The following TNRC6A variants were observed in gnomAD, a reference collection of about 807,000 sequenced individuals.
The protein encoded by TNRC6A is trinucleotide repeat containing adaptor 6A.
Under a neutral mutation model 221.2 loss-of-function variants are expected in TNRC6A, and 44 were observed. The observed-to-expected ratio is 0.20, with a 90% CI of 0.16 to 0.26. The LOEUF (loss-of-function observed/expected upper bound fraction) is 0.26, where lower values mean the gene tolerates loss of function less well. TNRC6A is among the 10% of genes least tolerant of loss of function. TNRC6A has a pLI of 1.00. For missense variants in TNRC6A, 2,199 were observed against 2,404.4 expected (o/e 0.91, Z 1.79); for synonymous variants, 847 against 838.5 (o/e 1.01, Z -0.18).
chr16:24,760,433 C>A (rs1009026938), intron 4 of TNRC6A, among the ~76,000 whole-genome samples: 1 of 152,082 alleles, frequency 6.6e-6, no homozygotes, highest in African/African-American at 2.4e-5. Flanking sequence ...ATTTAGTCTT[C>A]TTGTTTTTAG....
At position 24,804,204 on chromosome 16, in the gene TNRC6A, T is replaced by C. The variant is rs1478783446; in HGVS notation, c.3722T>C (p.Ile1241Thr). The C allele has an allele frequency of 1.3e-5, 21 of 1,611,438 alleles. No individual in the cohort carries two copies. Among genetic ancestry groups the C allele is most frequent in the Admixed American group, 1.7e-5 (1 of 58,940 alleles). The change falls in exon 12 of 25, where the codon ATA (isoleucine) becomes ACA (threonine). Residue 1241 changes from isoleucine (I) to threonine (T), a missense_variant. Coordinates refer to ENST00000395799, the MANE Select transcript of TNRC6A (RefSeq NM_014494.4). ...ATGTTACAAGACAAACGAATGGAGA[T>C]AGATAAACATAGCCTAAATATTGGT... ...GGMLQDKRME[I>T]DKHSLNIGDY...
At chr16:24,795,622 A>T in intron 8 of TNRC6A, 1 of 366,250 alleles carries the variant, frequency 2.7e-6, no homozygotes, top group Non-Finnish European at 4.9e-6. Context: ...TAAGTCTAGG[A>T]CCTGCCATTT....
At chr16:24,698,021 CAAA>C (rs1290086269) in intron 2 of TNRC6A, among the ~76,000 whole-genome samples, 2 of 78,530 alleles carry the variant, frequency 2.5e-5, no homozygotes. Context: ...GGCTCTGTCT[CAAA>C]AAAAAAAAAA....
rs1172931750 is a variant in TNRC6A at position 24,633,782 on chromosome 16, CTCTCTTTTTTTTTTTTTCGAGACGAAG to C, written n.277-7097_277-7071del. Among the ~76,000 whole-genome samples, 536 of 117,754 alleles carry C rather than the reference CTCTCTTTTTTTTTTTTTCGAGACGAAG, an allele frequency of 4.6e-3. 2 individuals carry two copies. Among genetic ancestry groups the C allele is most frequent in the African/African-American group, 0.018 (494 of 27,116 alleles). The allele number at this position is 117,754 out of a possible 152,430, so 77.3% of individuals were successfully genotyped here. A position where few individuals can be genotyped will look rare whatever the true frequency, so the allele number is the denominator to read the frequency against. On this transcript the variant is annotated intron_variant and non_coding_transcript_variant, in intron 1 of 2. Transcript: ENST00000566108. ...AGCTCCATTAAGGTATAGAATTTAT[CTCTCTTTTTTTTTTTTTCGAGACGAAG>C]TCTCGCTTTGATGCCCAGCCTGGAG... is the stretch of plus-strand genomic sequence containing the variant.
intron 4 of TNRC6A, among the ~76,000 whole-genome samples, chr16:24,774,385 C>T (rs144175038): frequency 1.1e-3 from 161 of 152,266 alleles, no homozygotes; most frequent in Middle Eastern, 3.4e-3. Context: ...AAATGAATAC[C>T]TATCTCAGCT....
intron 2 of TNRC6A, among the ~76,000 whole-genome samples, chr16:24,722,035 G>T (rs968326437): frequency 1.3e-5 from 2 of 152,182 alleles, no homozygotes; most frequent in East Asian, 3.8e-4. Flanking sequence ...GAAGGGGCGC[G>T]AGGGAATTTT....
At chr16:24,755,501 T>C (rs2057231546) in intron 3 of TNRC6A, among the ~76,000 whole-genome samples, 2 of 152,336 alleles carry the variant, frequency 1.3e-5, no homozygotes, top group Non-Finnish European at 2.9e-5. Context: ...TAAATCCCTT[T>C]AACCTTACAA....
intron 4 of TNRC6A, among the ~76,000 whole-genome samples, chr16:24,765,679 CTT>C (rs1396039334): frequency 6.6e-6 from 1 of 151,930 alleles, no homozygotes; most frequent in African/African-American, 2.4e-5. Context: ...TGGAAGATGT[CTT>C]TGAGCTATGT....
At chr16:24,651,690 C>G (rs903906988) in intron 2 of TNRC6A, among the ~76,000 whole-genome samples, 1 of 151,042 alleles carries the variant, frequency 6.6e-6, no homozygotes, top group Non-Finnish European at 1.5e-5. Flanking sequence ...GAGACACCCC[C>G]TCCCCCCGCC....
At chr16:24,618,401 T>G (rs1471677848) in intron 1 of TNRC6A, among the ~76,000 whole-genome samples, 2 of 152,214 alleles carry the variant, frequency 1.3e-5, no homozygotes, top group Non-Finnish European at 2.9e-5. Context: ...CAAATAAATG[T>G]GGAATGACTT....
At chr16:24,623,348 G>A (rs745614901) in intron 1 of TNRC6A, among the ~76,000 whole-genome samples, 2 of 151,982 alleles carry the variant, frequency 1.3e-5, no homozygotes, top group Admixed American at 6.5e-5. Flanking sequence ...ACAGGCGCCC[G>A]CTGCCACGCC....
intron 2 of TNRC6A, among the ~76,000 whole-genome samples, chr16:24,648,007 A>G (rs1446311717): frequency 6.6e-6 from 1 of 152,198 alleles, no homozygotes; most frequent in Non-Finnish European, 1.5e-5. Context: ...TTCACTTAGC[A>G]TAATGTCTTC....
chr16:24,777,295 A>G lies in TNRC6A; in HGVS notation c.526A>G (p.Ser176Gly), dbSNP rs1232230157. 8 of 1,614,172 alleles carry G rather than the reference A, an allele frequency of 5.0e-6. No homozygotes were observed. Among genetic ancestry groups the G allele is most frequent in the Non-Finnish European group, 6.8e-6 (8 of 1,180,036 alleles). The change falls in exon 5 of 25, where the codon AGT (serine) becomes GGT (glycine). Residue 176 changes from serine to glycine, a missense_variant. Physicochemically the swap from Ser to Gly is moderately conservative, Grantham distance 56 (BLOSUM62 0). Transcript: ENST00000395799. ...VKVLNSQSES[S>G]ALTNQQPQNN... ...GGTGTTAAACAGCCAGTCAGAAAGC[A>G]GTGCTTTAACAAATCAACAGCCACA...
chr16:24,730,026 C>T (rs1051664312), intron 1 of TNRC6A, among the ~76,000 whole-genome samples, 180 bp downstream of exon 1: 35 of 147,868 alleles, frequency 2.4e-4, no homozygotes, highest in Non-Finnish European at 4.5e-4. Flanking sequence ...GGGGGAGCCT[C>T]GCTGCGCCGC....
chr16:24,825,401 GT>G lies in TNRC6A; in HGVS notation c.*1595del, dbSNP rs1318009435. The G allele has an allele frequency of 6.5e-6, 1 of 152,704 alleles. No homozygotes were observed. Among genetic ancestry groups the G allele is most frequent in the East Asian group, 1.9e-4 (1 of 5,188 alleles). 9.5% of individuals were successfully genotyped at this position (152,704 alleles called of 1,614,324 possible). A position where few individuals can be genotyped will look rare whatever the true frequency, so the allele number is the denominator to read the frequency against. ...TGATTGTAAAATGTACAGTTTGGTTGTGTTTGAATTATGAAATTTCTTCAGA... is the reference window on the plus strand; with the variant it reads ...TGATTGTAAAATGTACAGTTTGGTTGGTTTGAATTATGAAATTTCTTCAGA... On this transcript the variant is annotated 3_prime_UTR_variant, in exon 25 of 25. Transcript: ENST00000395799.
chr16:24,688,966 C>A (rs1364639857), intron 2 of TNRC6A, among the ~76,000 whole-genome samples: 1 of 151,990 alleles, frequency 6.6e-6, no homozygotes, highest in Non-Finnish European at 1.5e-5. Context: ...TTTGGGAGGC[C>A]GACGCGGGAG....
In TNRC6A at chr16:24,804,311, T is replaced by A; in HGVS notation, c.3829T>A (p.Phe1277Ile). 6.2e-7 allele frequency: 1 copy of A among 1,612,204 alleles called. No homozygotes were observed. The highest frequency in any genetic ancestry group is 8.5e-7 in the Non-Finnish European group (1 of 1,179,660). The change falls in exon 12 of 25, where the codon TTT (phenylalanine) becomes ATT (isoleucine). Residue 1277 changes from phenylalanine (F) to isoleucine (I), a missense_variant. Transcript: ENST00000395799. ...GTCTTCCATGGAGCGCAATCCTTAT[T>A]TTGATAAGGTAAGGTTTTTTACTTT... ...KESSMERNPYFDKDGIVADES... is the reference protein window; with the variant it reads ...KESSMERNPYIDKDGIVADES...
rs1322509822 is a variant in TNRC6A at position 24,729,668 on chromosome 16, T to TGCGGCGGCGGCGGTGTCG, written c.-160_-143dup. 2.8e-4 allele frequency: 185 copies of TGCGGCGGCGGCGGTGTCG among 649,398 alleles called. No homozygotes were observed. Among genetic ancestry groups the TGCGGCGGCGGCGGTGTCG allele is most frequent in the East Asian group, 2.4e-3 (67 of 27,708 alleles). 40.2% of individuals were successfully genotyped at this position (649,398 alleles called of 1,614,324 possible). A position where few individuals can be genotyped will look rare whatever the true frequency, so the allele number is the denominator to read the frequency against. The stretch of plus-strand genomic sequence containing the variant: ...GGGCATTCACTTCCGGTCTGGGGCC[T>TGCGGCGGCGGCGGTGTCG]GCGGCGGCGGCGGTGTCGGCGGCGG... On this transcript the variant is annotated 5_prime_UTR_variant, in exon 1 of 25. Transcript: ENST00000395799.
chr16:24,757,589 T>G (rs2057279289), intron 3 of TNRC6A, among the ~76,000 whole-genome samples: 1 of 152,294 alleles, frequency 6.6e-6, no homozygotes, highest in Non-Finnish European at 1.5e-5. Context: ...TTTGAAGCCC[T>G]TGGGAGTTTG....
Sources: gnomAD v4.1 joint callset for allele counts (sites outside exome capture counted in the v4.1 genomes callset) on GRCh38, gnomAD v4.1.1 for gene constraint, MANE v1.5 for transcripts, NCBI Gene and HGNC (gene_info 2026-07-23, HGNC 2026-07-21) for gene names.